The following PRKCSH variants were observed in gnomAD, a reference collection of about 807,000 sequenced individuals.
The protein encoded by PRKCSH is PRKCSH beta subunit of glucosidase II.
In PRKCSH, 42 loss-of-function variants were observed where a neutral mutation model predicts 79.7. That is an observed-to-expected ratio of 0.53 (90% CI 0.41 to 0.68). The LOEUF is 0.68. PRKCSH is among the 30% of genes least tolerant of loss of function. PRKCSH has a pLI of 0.00. For synonymous variants in PRKCSH, 325 were observed against 288.2 expected (o/e 1.13, Z -1.29); for missense variants, 686 against 709.0 (o/e 0.97, Z 0.37).
chr19:11,443,210 C>A (rs897702785), intron 7 of PRKCSH, among the ~76,000 whole-genome samples: 1 of 150,542 alleles, frequency 6.6e-6, no homozygotes, highest in Admixed American at 6.6e-5. Flanking sequence ...GTCAGGAGTT[C>A]GAGACCACCC....
At chr19:11,444,685 C>T (rs1034429780) in intron 7 of PRKCSH, among the ~76,000 whole-genome samples, 2 of 152,132 alleles carry the variant, frequency 1.3e-5, no homozygotes, top group African/African-American at 4.8e-5. Context: ...GTTAGAGTAG[C>T]GACAGACAAA....
chr19:11,449,601 G>C lies in PRKCSH; in HGVS notation c.*16+173G>C. On this transcript the variant is annotated intron_variant, in intron 17 of 17. Coordinates refer to ENST00000677123, the MANE Select transcript of PRKCSH (RefSeq NM_001289104.2). This position sits in a 1 kb window ranked among gnomAD's most constrained non-coding sequence, Gnocchi z 6.4. ...TCTTTGGCCCAGGCTGGAGTGCAGT[G>C]ATGCGACCTCAGCTGACTGCAACCT... is the stretch of plus-strand genomic sequence containing the variant. 2.4e-6 allele frequency: 2 copies of C among 829,254 alleles called. No individual in the cohort carries two copies. The highest frequency in any genetic ancestry group is 3.7e-6 in the Non-Finnish European group (2 of 535,968). The allele number at this position is 829,254 out of a possible 1,614,324, so 51.4% of individuals were successfully genotyped here.
At chr19:11,442,266 G>A in intron 6 of PRKCSH, 120 bp from the exon 7 acceptor site, 1 of 1,423,760 alleles carries the variant, frequency 7.0e-7, no homozygotes, top group Non-Finnish European at 9.5e-7. Flanking sequence ...GAGAGACCCA[G>A]CTTGGTGTGT....
rs750802538 is a variant in PRKCSH at position 11,437,857 on chromosome 19, C to G, written c.197-19C>G. 1.2e-6 allele frequency: 2 copies of G among 1,612,008 alleles called. No individual in the cohort carries two copies. The highest frequency in any genetic ancestry group is 2.7e-5 in the African/African-American group (2 of 75,022). On this transcript the variant is annotated intron_variant, in intron 3 of 17. Transcript: ENST00000677123. ...CCCTGAGCTGACTCCGAAAACCTTC[C>G]CTCCCTTCTTCCTCACAGGCACGGC...
Position 11,442,401 on chromosome 19 carries a change from C to G in PRKCSH, c.484C>G (p.Leu162Val), listed in dbSNP as rs1970102946. The stretch of plus-strand genomic sequence containing the variant: ...GCCCACCCAGAAAAAGCTCATTGAG[C>G]TACAGGCTGGGAAGAAGTCTCTGGA... ...REEKQKKLIE[L>V]QAGKKSLEDQ... Residue 162 changes from leucine (L) to valine (V), a missense_variant, in exon 7 of 18, where the codon CTA becomes GTA. By Grantham distance (32) the Leu-to-Val change is conservative. Around this residue, in one of 2 missense-constraint regions of PRKCSH, gnomAD observed 549 missense variants for 520.2 expected, o/e 1.06. Transcript: ENST00000677123. 3 of 1,605,942 alleles carry G rather than the reference C, an allele frequency of 1.9e-6. No individual in the cohort carries two copies. Among genetic ancestry groups the G allele is most frequent in the African/African-American group, 1.3e-5 (1 of 74,694 alleles).
chr19:11,441,026 C>G, intron 5 of PRKCSH: 1 of 552,400 alleles, frequency 1.8e-6, no homozygotes, highest in East Asian at 3.5e-5. Flanking sequence ...TAGTCCCTTC[C>G]CTGACCCCAG....
At chr19:11,444,547 C>G (rs771590883) in intron 7 of PRKCSH, among the ~76,000 whole-genome samples, 3 of 152,256 alleles carry the variant, frequency 2.0e-5, no homozygotes, top group Non-Finnish European at 4.4e-5. Context: ...AGAGGAAATA[C>G]CAGCTGTTTT....
Position 11,447,832 on chromosome 19 carries a change from T to C in PRKCSH, c.1126+43T>C. ...CCAGGCTCCTCGGGTGGGCCCAGCG[T>C]TTCCTGCCGTGGTGGCACAGGTCGA... On this transcript the variant is annotated intron_variant, in intron 12 of 17. Transcript: ENST00000677123. This position sits in a 1 kb window ranked among gnomAD's most constrained non-coding sequence, Gnocchi z 5.6. The C allele has an allele frequency of 2.0e-6, 3 of 1,514,434 alleles. No homozygotes were observed. Among genetic ancestry groups the C allele is most frequent in the Non-Finnish European group, 2.7e-6 (3 of 1,126,704 alleles). The allele number at this position is 1,514,434 out of a possible 1,614,324, so 93.8% of individuals were successfully genotyped here.
rs752838635 is a variant in PRKCSH at position 11,447,024 on chromosome 19, T to C, written c.763-50T>C. The C allele has an allele frequency of 2.5e-6, 4 of 1,590,678 alleles. No individual in the cohort carries two copies. The highest frequency in any genetic ancestry group is 1.7e-4 in the Middle Eastern group (1 of 6,036). ...AGCCCGGGTGCCGGGGTGGCCGAGA[T>C]GGGGGACACGTGGTGGCCTAGATCT... On this transcript the variant is annotated intron_variant, in intron 9 of 17. Transcript: ENST00000677123. The surrounding 1 kb of genome is among the most constrained non-coding windows in gnomAD (Gnocchi z 5.6).
At position 11,448,289 on chromosome 19, in the gene PRKCSH, C is replaced by T. The variant is rs759669133; in HGVS notation, c.1194C>T (p.Ile398=). Reference sequence around the variant, plus strand: ...CGCTGAAGGACATGGAGGAGTCCATCAGGTAGCGGGGGCTGAGGAGCGGGG... The same window carrying T: ...CGCTGAAGGACATGGAGGAGTCCATTAGGTAGCGGGGGCTGAGGAGCGGGG... ...ERSLKDMEES[I]RNLEQEISFD... is the part of the protein sequence containing the mutation. Residue 398 remains isoleucine, a splice_region_variant and synonymous_variant, in exon 13 of 18, where the codon ATC becomes ATT. Transcript: ENST00000677123. This position sits in a 1 kb window ranked among gnomAD's most constrained non-coding sequence, Gnocchi z 4.4. 6 of 1,572,858 alleles carry T rather than the reference C, an allele frequency of 3.8e-6. No homozygotes were observed. The South Asian group carries it at 7.0e-5, about 18-fold the overall frequency.
chr19:11,437,080 G>C (rs977322499), intron 3 of PRKCSH, among the ~76,000 whole-genome samples: 2 of 151,940 alleles, frequency 1.3e-5, no homozygotes, highest in Non-Finnish European at 2.9e-5. Flanking sequence ...CTGTTTCCCA[G>C]GCTGGAGTGC....
intron 5 of PRKCSH, among the ~76,000 whole-genome samples, chr19:11,438,758 A>G (rs1011075645): frequency 6.6e-6 from 1 of 151,216 alleles, no homozygotes. Flanking sequence ...CCGTCTCAAA[A>G]AAAAAGCAAA....
chr19:11,435,780 G>A lies in PRKCSH; in HGVS notation c.-78+74G>A, dbSNP rs751415567. 1.0e-3 allele frequency: 1,420 copies of A among 1,401,298 alleles called. 1 individual carries two copies. The highest frequency in any genetic ancestry group is 1.2e-3 in the Non-Finnish European group (1,260 of 1,062,466). 86.8% of individuals were successfully genotyped at this position (1,401,298 alleles called of 1,614,324 possible). A position where few individuals can be genotyped will look rare whatever the true frequency, so the allele number is the denominator to read the frequency against. Reference sequence around the variant, plus strand: ...GCAACCGGAGGGTGCATGTGTGGGTGTGGACGGCGGAGGCTGTTAATCCCT... The same window carrying A: ...GCAACCGGAGGGTGCATGTGTGGGTATGGACGGCGGAGGCTGTTAATCCCT... On this transcript the variant is annotated intron_variant, in intron 1 of 17. Transcript: ENST00000677123.
intron 5 of PRKCSH, among the ~76,000 whole-genome samples, chr19:11,439,307 C>T (rs1336462243): frequency 6.6e-6 from 1 of 152,020 alleles, no homozygotes; most frequent in African/African-American, 2.4e-5. Context: ...ATGGTGGCTC[C>T]TGCCTGTAAT....
In PRKCSH at chr19:11,436,059, C is replaced by T; in HGVS notation, c.-59C>T. 3.1e-6 allele frequency: 5 copies of T among 1,590,024 alleles called. No homozygotes were observed. Among genetic ancestry groups the T allele is most frequent in the Non-Finnish European group, 4.3e-6 (5 of 1,169,132 alleles). Reference sequence around the variant, plus strand: ...CCTGCAGCGTGAAGACACAGCGCATCTCCCCGCTGTAGGCTTCCTCCCACA... The same window carrying T: ...CCTGCAGCGTGAAGACACAGCGCATTTCCCCGCTGTAGGCTTCCTCCCACA... On this transcript the variant is annotated 5_prime_UTR_variant, in exon 2 of 18. Coordinates refer to ENST00000677123, the MANE Select transcript of PRKCSH (RefSeq NM_001289104.2).
rs1969855836 is a variant in PRKCSH, at chr19:11,437,926, A to G, written c.247A>G (p.Lys83Glu). The change falls in exon 4 of 18, where the codon AAG becomes GAG. Residue 83 changes from lysine (K) to glutamate (E), a missense_variant. Transcript: ENST00000677123. Reference protein sequence around the residue: ...GSFHCTNTGYKPLYIPSNRVN... With the variant: ...GSFHCTNTGYEPLYIPSNRVN... ...CTTCCACTGCACCAACACTGGCTAT[A>G]AGCCCCTGTATATCCCCTCCAACCG... 6.2e-7 allele frequency: 1 copy of G among 1,614,120 alleles called. No homozygotes were observed. Among genetic ancestry groups the G allele is most frequent in the Non-Finnish European group, 8.5e-7 (1 of 1,180,026 alleles).
intron 5 of PRKCSH, among the ~76,000 whole-genome samples, chr19:11,438,552 C>T (rs539916195): frequency 2.6e-5 from 4 of 151,864 alleles, no homozygotes; most frequent in South Asian, 4.2e-4. Context: ...GTCAGGAGAT[C>T]GAGACCATCC....
At chr19:11,437,350 GTTTTT>G (rs999081933) in intron 3 of PRKCSH, among the ~76,000 whole-genome samples, 37 of 138,550 alleles carry the variant, frequency 2.7e-4, no homozygotes, top group African/African-American at 9.8e-4. Context: ...GTTTTGTTTT[GTTTTT>G]AATTTTTTTT....
chr19:11,438,182 C>G, intron 5 of PRKCSH, 58 bp downstream of exon 5: 1 of 1,572,362 alleles, frequency 6.4e-7, no homozygotes, highest in Non-Finnish European at 8.7e-7. Flanking sequence ...CCTGGCTCCA[C>G]CCAGTGAATC....
Sources: allele counts gnomAD v4.1 joint callset (sites outside exome capture counted in the v4.1 genomes callset), GRCh38; gene constraint gnomAD v4.1.1; regional missense constraint gnomAD v4.1.1; non-coding constraint Gnocchi (gnomAD v3.1); transcripts MANE v1.5; gene names NCBI Gene and HGNC (gene_info 2026-07-23, HGNC 2026-07-21).